The following DIDO1 variants were observed in gnomAD, a reference collection of about 807,000 sequenced individuals.
DIDO1 encodes death inducer-obliterator 1.
In DIDO1, 16 loss-of-function variants were observed where a neutral mutation model predicts 99.4. The observed-to-expected ratio is 0.16, with a 90% CI of 0.11 to 0.24. The LOEUF (loss-of-function observed/expected upper bound fraction) is 0.24, where lower values mean the gene tolerates loss of function less well. DIDO1 is among the 10% of genes least tolerant of loss of function. The pLI is 1.00. For missense variants in DIDO1, 2,996 were observed against 3,014.0 expected (o/e 0.99, Z 0.14); for synonymous variants, 1,366 against 1,239.1 (o/e 1.10, Z -2.15).
At chr20:62,913,877 T>G (rs2064992662) in intron 2 of DIDO1, among the ~76,000 whole-genome samples, 1 of 152,244 alleles carries the variant, frequency 6.6e-6, no homozygotes, top group Non-Finnish European at 1.5e-5. Context: ...GCACATGACC[T>G]ATGCAAAACC....
intron 1 of DIDO1, among the ~76,000 whole-genome samples, chr20:62,921,997 T>C (rs1305013001): frequency 6.7e-6 from 1 of 149,986 alleles, no homozygotes; most frequent in Non-Finnish European, 1.5e-5. Flanking sequence ...ACAATATATA[T>C]ACACTATATA....
At position 62,890,135 on chromosome 20, in the gene DIDO1, C is replaced by T. The variant is rs551717260; in HGVS notation, c.3541+825G>A. 2.8e-5 allele frequency: 28 copies of T among 985,946 alleles called. No individual in the cohort carries two copies. The South Asian group carries it at 6.6e-4, about 23-fold the overall frequency. 61.1% of individuals were successfully genotyped at this position (985,946 alleles called of 1,614,324 possible). Reference sequence around the variant, plus strand: ...AGGGCACTGAGGCACAGGGTCCAGACAGCACCTGCCTTTATGACGAAGCAC... The same window carrying T: ...AGGGCACTGAGGCACAGGGTCCAGATAGCACCTGCCTTTATGACGAAGCAC... On this transcript the variant is annotated intron_variant, in intron 15 of 15. Transcript: ENST00000395343.
In DIDO1 at chr20:62,880,997, C is replaced by A. The variant is rs930292900; in HGVS notation, c.4959G>T (p.Arg1653Ser). 1 of 1,605,680 alleles carries A rather than the reference C, an allele frequency of 6.2e-7. No individual in the cohort carries two copies. Among genetic ancestry groups the A allele is most frequent in the South Asian group, 1.1e-5 (1 of 90,912 alleles). ...TGGGCAGCAGCACCCTCCGGGCAGG[C>A]CTGGCCGAGCTGTCTCCAACCGTGG... ...RPATVGDSSA[R>S]PARRVLLPTP... Residue 1653 changes from arginine to serine, a missense_variant, in exon 16 of 16, where the codon AGG (arginine) becomes AGT (serine). Around this residue, in one of 5 missense-constraint regions of DIDO1, gnomAD observed 1,562 missense variants for 1,412.6 expected, o/e 1.11. Transcript: ENST00000395343.
At chr20:62,908,575 C>A (rs1283466933) in intron 4 of DIDO1, among the ~76,000 whole-genome samples, 1 of 152,236 alleles carries the variant, frequency 6.6e-6, no homozygotes, top group East Asian at 1.9e-4. Flanking sequence ...GTCCCTCACA[C>A]ATACTTAAGC....
chr20:62,921,958 C>A (rs745655868), intron 1 of DIDO1, among the ~76,000 whole-genome samples: 1 of 149,594 alleles, frequency 6.7e-6, no homozygotes, highest in Non-Finnish European at 1.5e-5. Context: ...TATATGTCCA[C>A]AATATATATA....
chr20:62,932,396 G>C (rs1808917536), intron 1 of DIDO1, among the ~76,000 whole-genome samples: 2 of 152,038 alleles, frequency 1.3e-5, no homozygotes, highest in East Asian at 1.9e-4. Context: ...GACACAGAGA[G>C]AACTATCCAC....
chr20:62,921,770 G>A (rs1445256631), intron 1 of DIDO1, among the ~76,000 whole-genome samples: 2 of 151,170 alleles, frequency 1.3e-5, no homozygotes, highest in Non-Finnish European at 2.9e-5. Flanking sequence ...GAGTAACTGG[G>A]ACTACAAGCA....
Position 62,883,839 on chromosome 20 carries a change from A to C in DIDO1, c.3542-1425T>G, listed in dbSNP as rs577115511. On this transcript the variant is annotated intron_variant, in intron 15 of 15. Coordinates refer to ENST00000395343, the MANE Select transcript of DIDO1 (RefSeq NM_001193369.2). ...AGACTCTGTCTCAAAAAAACAAAAC[A>C]AAACAAAAAACAAAAATTAGCCAGG... Among the ~76,000 whole-genome samples, 92 of 151,164 alleles carry C rather than the reference A, an allele frequency of 6.1e-4. 1 individual carries two copies. Among genetic ancestry groups the C allele is most frequent in the Non-Finnish European group, 3.7e-4 (25 of 67,800 alleles).
In DIDO1 at chr20:62,922,966, T is replaced by C. The variant is rs577018147; in HGVS notation, c.-200+3473A>G. Among the ~76,000 whole-genome samples, 54 of 152,224 alleles carry C rather than the reference T, an allele frequency of 3.5e-4. 1 individual carries two copies. In the South Asian group the frequency reaches 0.011, roughly 32 times the overall value. ...CTGAACACAAACTAACAGACCAGTTTGAAAAATCAAGAAACATCTATATAG... is the reference window on the plus strand; with the variant it reads ...CTGAACACAAACTAACAGACCAGTTCGAAAAATCAAGAAACATCTATATAG... On this transcript the variant is annotated intron_variant, in intron 1 of 15. Transcript: ENST00000395343.
At position 62,879,198 on chromosome 20, in the gene DIDO1, T is replaced by G. The variant is rs2064151939; in HGVS notation, c.*35A>C. 2.8e-6 allele frequency: 4 copies of G among 1,447,948 alleles called. No individual in the cohort carries two copies. Among genetic ancestry groups the G allele is most frequent in the African/African-American group, 1.4e-5 (1 of 69,254 alleles). 89.7% of individuals were successfully genotyped at this position (1,447,948 alleles called of 1,614,324 possible). A position where few individuals can be genotyped will look rare whatever the true frequency, so the allele number is the denominator to read the frequency against. ...ATTTGTTCAACGCATCTTACGAACG[T>G]GGCTTTAAAAAGGGTCTCTGCCCGG... is the stretch of plus-strand genomic sequence containing the variant. On this transcript the variant is annotated 3_prime_UTR_variant, in exon 16 of 16. Coordinates refer to ENST00000395343, the MANE Select transcript of DIDO1 (RefSeq NM_001193369.2). This position sits in a 1 kb window ranked among gnomAD's most constrained non-coding sequence, Gnocchi z 6.3.
At chr20:62,935,797 C>T (rs1217245610) in intron 1 of DIDO1, among the ~76,000 whole-genome samples, 1 of 152,194 alleles carries the variant, frequency 6.6e-6, no homozygotes, top group African/African-American at 2.4e-5. Flanking sequence ...ACCCTGTCTG[C>T]TATGTGAGAG....
At chr20:62,936,920 A>G (rs1037404671) in intron 1 of DIDO1, among the ~76,000 whole-genome samples, 1 of 152,258 alleles carries the variant, frequency 6.6e-6, no homozygotes, top group Non-Finnish European at 1.5e-5. Flanking sequence ...GTAGTTGCAA[A>G]TGAAAAAATT....
chr20:62,936,869 ATAAC>A (rs755074538), intron 1 of DIDO1, among the ~76,000 whole-genome samples: 108 of 152,286 alleles, frequency 7.1e-4, no homozygotes, highest in Non-Finnish European at 8.1e-4. Flanking sequence ...CTCAAAATAA[ATAAC>A]TAAATAAAGA....
intron 15 of DIDO1, chr20:62,889,355 G>A (rs543838239): frequency 1.6e-5 from 15 of 961,950 alleles, no homozygotes; most frequent in African/African-American, 1.2e-4. Context: ...GCCGGGGCTC[G>A]CTCAACACCC....
chr20:62,887,082 A>G, intron 15 of DIDO1: 2 of 982,872 alleles, frequency 2.0e-6, no homozygotes, highest in Non-Finnish European at 2.4e-6. Context: ...CGTCCTCTCC[A>G]GCAGCTGCTG....
chr20:62,898,107 G>A (rs941515299), intron 6 of DIDO1, among the ~76,000 whole-genome samples: 8 of 152,226 alleles, frequency 5.3e-5, no homozygotes, highest in African/African-American at 1.7e-4. Context: ...GCTCCCAAGA[G>A]CGCTTCAGTT....
In DIDO1 at chr20:62,915,638, G is replaced by A. The variant is rs147321047; in HGVS notation, c.-199-1232C>T. On this transcript the variant is annotated intron_variant, in intron 1 of 15. Coordinates refer to ENST00000395343, the MANE Select transcript of DIDO1 (RefSeq NM_001193369.2). ...TGAGCAACTGGGACTACAGATGCGT[G>A]CCACTATGCCCAGCTAATTTTTGAA... is the stretch of plus-strand genomic sequence containing the variant. Among the ~76,000 whole-genome samples the A allele has an allele frequency of 3.6e-3, 545 of 152,194 alleles. 2 individuals are homozygous for A. Among genetic ancestry groups the A allele is most frequent in the African/African-American group, 0.012 (515 of 41,500 alleles).
At chr20:62,925,155 G>A (rs2065228427) in intron 1 of DIDO1, among the ~76,000 whole-genome samples, 1 of 152,210 alleles carries the variant, frequency 6.6e-6, no homozygotes, top group South Asian at 2.1e-4. Context: ...TAGGCTCCAG[G>A]TAAACGAGTT....
chr20:62,884,386 G>A (rs372258151), intron 15 of DIDO1, among the ~76,000 whole-genome samples: 1 of 152,210 alleles, frequency 6.6e-6, no homozygotes, highest in East Asian at 1.9e-4. Context: ...TGGGTGGGAC[G>A]TTTCAGCGGC....
Sources: allele counts gnomAD v4.1 joint callset (sites outside exome capture counted in the v4.1 genomes callset), GRCh38; gene constraint gnomAD v4.1.1; regional missense constraint gnomAD v4.1.1; non-coding constraint Gnocchi (gnomAD v3.1); transcripts MANE v1.5; gene names NCBI Gene and HGNC (gene_info 2026-07-23, HGNC 2026-07-21).